UACA: variants seen among roughly 807,000 people sequenced by gnomAD.
The protein encoded by UACA is uveal autoantigen with coiled-coil domains and ankyrin repeats, also known as nuclear membrane binding protein.
Under a neutral mutation model 160.5 loss-of-function variants are expected in UACA, and 112 were observed. The observed-to-expected ratio is 0.70, with a 90% CI of 0.60 to 0.82. The LOEUF is 0.82. Ranked by LOEUF, UACA falls within the 40% of genes least tolerant of loss-of-function variation. The probability of loss-of-function intolerance (pLI) is 0.00; values close to 1 mark genes in which losing one functional copy is unlikely to be tolerated. For synonymous variants in UACA, 557 were observed against 568.4 expected, an observed-to-expected ratio of 0.98 and a Z score of 0.29; for missense variants, 1,574 against 1,614.6, an observed-to-expected ratio of 0.97 and a Z score of 0.43.
chr15:70,690,949 T>C (rs1442960011), intron 4 of UACA, among the ~76,000 whole-genome samples: 1 of 152,160 alleles, frequency 6.6e-6, no homozygotes, highest in Non-Finnish European at 1.5e-5. Context: ...TGTAATAATA[T>C]TATGTAGTAT....
intron 2 of UACA, among the ~76,000 whole-genome samples, chr15:70,696,521 T>C (rs1355307181): frequency 1.3e-5 from 2 of 152,184 alleles, no homozygotes; most frequent in Non-Finnish European, 2.9e-5. Flanking sequence ...AGTATTACGA[T>C]GGATATAAAT....
chr15:70,769,129 C>A, the UACA span, among the ~76,000 whole-genome samples: 1 of 151,796 alleles, frequency 6.6e-6, no homozygotes, highest in Non-Finnish European at 1.5e-5. Flanking sequence ...GAGGCCGAGG[C>A]GGGCAGGTCA....
chr15:70,744,989 C>T (rs1566997574), intron 1 of UACA, among the ~76,000 whole-genome samples: 1 of 152,196 alleles, frequency 6.6e-6, no homozygotes, highest in Non-Finnish European at 1.5e-5. Context: ...ACAAAACACT[C>T]TTAAGTCTAG....
chr15:70,756,595 G>A (rs893684610), intron 1 of UACA, among the ~76,000 whole-genome samples: 3 of 152,124 alleles, frequency 2.0e-5, no homozygotes, highest in Admixed American at 1.3e-4. Flanking sequence ...AGACTCAGCT[G>A]GGCGAGGTGG....
At chr15:70,714,667 G>GA (rs547964617) in intron 1 of UACA, among the ~76,000 whole-genome samples, 26 of 149,298 alleles carry the variant, frequency 1.7e-4, no homozygotes, top group African/African-American at 3.2e-4. Flanking sequence ...CATGAAATCT[G>GA]AAAAAAAAAA....
At chr15:70,713,229 T>C (rs1406844747) in intron 1 of UACA, among the ~76,000 whole-genome samples, 2 of 152,114 alleles carry the variant, frequency 1.3e-5, no homozygotes. Flanking sequence ...CCGGCGCCTG[T>C]AGTCCCAGCT....
chr15:70,724,076 T>C (rs1170771429), intron 1 of UACA, among the ~76,000 whole-genome samples: 2 of 152,178 alleles, frequency 1.3e-5, no homozygotes, highest in East Asian at 1.9e-4. Flanking sequence ...TCTAATCCTG[T>C]CTCCCCCCAC....
chr15:70,747,022 C>T (rs563009668), intron 1 of UACA, among the ~76,000 whole-genome samples: 142 of 152,018 alleles, frequency 9.3e-4, no homozygotes, highest in African/African-American at 3.3e-3. Flanking sequence ...TTAGGAGAAA[C>T]AATGTAGATG....
At chr15:70,679,574 T>G in intron 10 of UACA, 34 bp downstream of exon 10, 1 of 1,460,986 alleles carries the variant, frequency 6.8e-7, no homozygotes. Flanking sequence ...GGAATTGTTT[T>G]TAAAGGAAGA....
Position 70,667,743 on chromosome 15 carries a change from T to C in UACA, c.2941A>G (p.Ile981Val), listed in dbSNP as rs200262267. Residue 981 changes from isoleucine (I) to valine (V), a missense_variant, in exon 16 of 19, where the codon ATT becomes GTT. Transcript: ENST00000322954. Reference protein sequence around the residue: ...KKELDTIQECIKVKYAPIVSF... With the variant: ...KKELDTIQECVKVKYAPIVSF... ...ACAATTGGGGCGTATTTTACCTTAA[T>C]GCATTCTTGTATTGTGTCGAGCTCC... The C allele has an allele frequency of 1.9e-6, 3 of 1,614,098 alleles. No individual in the cohort carries two copies. Among genetic ancestry groups the C allele is most frequent in the East Asian group, 2.2e-5 (1 of 44,876 alleles).
intron 1 of UACA, among the ~76,000 whole-genome samples, chr15:70,716,464 C>A (rs1169304645): frequency 1.3e-5 from 2 of 152,146 alleles, no homozygotes; most frequent in African/African-American, 4.8e-5. Context: ...TTGTTATAAG[C>A]CACTAAATTT....
chr15:70,673,664 C>T (rs780726075), intron 13 of UACA, among the ~76,000 whole-genome samples: 4 of 152,174 alleles, frequency 2.6e-5, no homozygotes, highest in Non-Finnish European at 4.4e-5. Flanking sequence ...AAAGTTGTAA[C>T]ATAAAATCAG....
Position 70,666,811 on chromosome 15 carries a change from T to C in UACA, c.3873A>G (p.Glu1291=), listed in dbSNP as rs1896924898. 6.2e-7 allele frequency: 1 copy of C among 1,613,718 alleles called. No individual in the cohort carries two copies. Among genetic ancestry groups the C allele is most frequent in the African/African-American group, 1.3e-5 (1 of 74,926 alleles). ...SIEQEIKDQK[E]RCDKSLTTIT... is the part of the protein sequence containing the mutation. ...TTGTTGTTAAGGACTTATCACATCG[T>C]TCCTTCTGATCCTTAATTTCTTGCT... is the stretch of plus-strand genomic sequence containing the variant. The change falls in exon 16 of 19, where the codon GAA becomes GAG. Residue 1291 remains glutamate (E), a synonymous_variant. Transcript: ENST00000322954.
Position 70,672,727 on chromosome 15 carries a change from G to C in UACA, c.1132-726C>G, listed in dbSNP as rs576699316. ...TAATCCCAGCACTTTGGAAGGCTGA[G>C]ACAGGCAGATCACTTGAGCCCAGGA... On this transcript the variant is annotated intron_variant, in intron 13 of 18. Coordinates refer to ENST00000322954, the MANE Select transcript of UACA (RefSeq NM_018003.4). Among the ~76,000 whole-genome samples, 7 of 152,330 alleles carry C rather than the reference G, an allele frequency of 4.6e-5. No homozygotes were observed. In the South Asian group the frequency reaches 1.2e-3, roughly 27 times the overall value.
chr15:70,696,382 AC>A (rs1170516639), intron 2 of UACA, among the ~76,000 whole-genome samples: 5 of 152,334 alleles, frequency 3.3e-5, no homozygotes, highest in East Asian at 3.9e-4. Flanking sequence ...CATCCCCCGA[AC>A]CAATAACAGT....
chr15:70,699,664 C>CAG lies in UACA; in HGVS notation c.79-5_79-4insCT. 6.4e-7 allele frequency: 1 copy of CAG among 1,551,494 alleles called. No homozygotes were observed. Among genetic ancestry groups the CAG allele is most frequent in the Admixed American group, 1.9e-5 (1 of 52,892 alleles). On this transcript the variant is annotated splice_polypyrimidine_tract_variant and splice_region_variant and intron_variant, in intron 1 of 18. Transcript: ENST00000322954. The stretch of plus-strand genomic sequence containing the variant: ...ATTTATTCCAATCTGCTGCATGCTA[C>CAG]AAAAAGGAAAAAAAAAAGTAAATAT...
chr15:70,772,265 G>A, the UACA span, among the ~76,000 whole-genome samples: 4 of 151,982 alleles, frequency 2.6e-5, no homozygotes, highest in African/African-American at 4.8e-5. Context: ...AGGCCGAGGC[G>A]GGTGGATCAT....
intron 8 of UACA, among the ~76,000 whole-genome samples, chr15:70,683,973 A>G (rs1184800131): frequency 2.7e-5 from 4 of 146,580 alleles, no homozygotes; most frequent in Non-Finnish European, 6.1e-5. Flanking sequence ...CTCTTCATCA[A>G]AAAAAAAAAA....
At chr15:70,741,065 A>G (rs1250841705) in intron 1 of UACA, among the ~76,000 whole-genome samples, 1 of 152,086 alleles carries the variant, frequency 6.6e-6, no homozygotes, top group Non-Finnish European at 1.5e-5. Context: ...AATAAAAATA[A>G]AAAGGGGGGG....
Sources: gnomAD v4.1 joint callset for allele counts (sites outside exome capture counted in the v4.1 genomes callset) on GRCh38, gnomAD v4.1.1 for gene constraint, MANE v1.5 for transcripts, NCBI Gene and HGNC (gene_info 2026-07-23, HGNC 2026-07-21) for gene names.